RPS6KC1: variants seen among roughly 807,000 people sequenced by gnomAD.
The protein encoded by RPS6KC1 is ribosomal protein S6 kinase C1.
Under a neutral mutation model 103.8 loss-of-function variants are expected in RPS6KC1, and 54 were observed. That is an observed-to-expected ratio of 0.52 (90% confidence interval 0.42 to 0.65). RPS6KC1 has a LOEUF of 0.65. Among genes scored for constraint, RPS6KC1 ranks in the 30% least tolerant of loss-of-function variants. The probability of loss-of-function intolerance (pLI) is 0.00; values close to 1 mark genes in which losing one functional copy is unlikely to be tolerated. For missense variants in RPS6KC1, 1,151 were observed against 1,253.8 expected, an observed-to-expected ratio of 0.92 and a Z score of 1.24; for synonymous variants, 439 against 438.7, an observed-to-expected ratio of 1.00 and a Z score of -0.01.
At chr1:213,539,678 C>T in the RPS6KC1 span, among the ~76,000 whole-genome samples, 5 of 151,460 alleles carry the variant, frequency 3.3e-5, no homozygotes, top group Admixed American at 6.7e-5. Context: ...GAACAGCAGG[C>T]GAGTAGATCT....
the RPS6KC1 span, among the ~76,000 whole-genome samples, chr1:213,844,318 A>G: frequency 6.6e-6 from 1 of 152,216 alleles, no homozygotes; most frequent in African/African-American, 2.4e-5. Context: ...TCATACAATT[A>G]TGGACAATTT....
chr1:213,143,721 A>G (rs775461834), intron 6 of RPS6KC1, among the ~76,000 whole-genome samples: 1 of 151,900 alleles, frequency 6.6e-6, no homozygotes, highest in Non-Finnish European at 1.5e-5. Context: ...ACTACTTAAC[A>G]TAAACTTAAT....
chr1:213,130,920 T>C (rs1164157480), intron 6 of RPS6KC1, among the ~76,000 whole-genome samples: 1 of 152,080 alleles, frequency 6.6e-6, no homozygotes, highest in Non-Finnish European at 1.5e-5. Context: ...CATCTACCTT[T>C]TTTTTTTTAA....
the RPS6KC1 span, among the ~76,000 whole-genome samples, chr1:213,433,725 A>C: frequency 1.3e-5 from 2 of 152,312 alleles, no homozygotes; most frequent in East Asian, 3.9e-4. Context: ...CCAAATGACT[A>C]ATGATGTTGA....
the RPS6KC1 span, among the ~76,000 whole-genome samples, chr1:213,280,715 C>G: frequency 1.3e-5 from 2 of 152,070 alleles, no homozygotes; most frequent in Non-Finnish European, 2.9e-5. Flanking sequence ...TTATCTTTCA[C>G]TTTAAATTAT....
chr1:213,726,052 C>G, the RPS6KC1 span, among the ~76,000 whole-genome samples: 73 of 152,226 alleles, frequency 4.8e-4, 1 homozygote, highest in African/African-American at 1.7e-3. Context: ...CTATCTGTAG[C>G]TTTTGTCAAA....
chr1:213,765,163 G>A, the RPS6KC1 span, among the ~76,000 whole-genome samples: 1 of 152,180 alleles, frequency 6.6e-6, no homozygotes, highest in African/African-American at 2.4e-5. Context: ...GCAGGAGCAG[G>A]CCTGAAAATA....
At chr1:213,578,063 T>G in the RPS6KC1 span, among the ~76,000 whole-genome samples, 1 of 152,238 alleles carries the variant, frequency 6.6e-6, no homozygotes, top group African/African-American at 2.4e-5. Flanking sequence ...AGGGCTTTGC[T>G]GCACTGTGCA....
the RPS6KC1 span, among the ~76,000 whole-genome samples, chr1:213,543,471 C>T: frequency 3.9e-5 from 6 of 152,270 alleles, no homozygotes; most frequent in South Asian, 1.2e-3. Context: ...AGATTTCCAG[C>T]TTAGGTTGGG....
intron 3 of RPS6KC1, among the ~76,000 whole-genome samples, chr1:213,097,723 A>G (rs1052954678): frequency 3.3e-5 from 5 of 152,360 alleles, no homozygotes; most frequent in African/African-American, 9.6e-5. Context: ...AGCCATCTTT[A>G]TCAATGATTT....
the RPS6KC1 span, chr1:213,835,850 C>G: frequency 6.6e-6 from 1 of 152,128 alleles, no homozygotes; most frequent in Non-Finnish European, 1.5e-5. Context: ...CCTTTTAACT[C>G]ACATCACGGC....
chr1:213,263,829 A>C (rs367730577), intron 14 of RPS6KC1, among the ~76,000 whole-genome samples: 1 of 152,194 alleles, frequency 6.6e-6, no homozygotes, highest in African/African-American at 2.4e-5. Context: ...TACTGTGGCA[A>C]GTCAAAAGAA....
chr1:213,518,119 A>AT, the RPS6KC1 span, among the ~76,000 whole-genome samples: 1 of 152,198 alleles, frequency 6.6e-6, no homozygotes, highest in Admixed American at 6.5e-5. Context: ...GATCATAAGT[A>AT]CCTGACACTG....
chr1:213,845,069 C>T, the RPS6KC1 span, among the ~76,000 whole-genome samples: 1 of 151,076 alleles, frequency 6.6e-6, no homozygotes, highest in South Asian at 2.1e-4. Flanking sequence ...TCCGACAAAA[C>T]AAGGAAAATT....
At chr1:213,408,716 T>A in the RPS6KC1 span, among the ~76,000 whole-genome samples, 2 of 152,220 alleles carry the variant, frequency 1.3e-5, no homozygotes, top group African/African-American at 2.4e-5. Flanking sequence ...TGTTTCTCCA[T>A]ACACACAGAT....
chr1:213,090,843 G>A (rs1251669501), intron 3 of RPS6KC1, among the ~76,000 whole-genome samples: 1 of 152,108 alleles, frequency 6.6e-6, no homozygotes, highest in Admixed American at 6.5e-5. Flanking sequence ...AACATAAAAG[G>A]ATGTTTTTAT....
At chr1:213,642,221 C>T in the RPS6KC1 span, among the ~76,000 whole-genome samples, 5 of 152,036 alleles carry the variant, frequency 3.3e-5, no homozygotes, top group Admixed American at 1.3e-4. Flanking sequence ...ATAGTACTTT[C>T]GTTTTTGGCA....
At chr1:213,804,797 G>T in the RPS6KC1 span, among the ~76,000 whole-genome samples, 1 of 152,304 alleles carries the variant, frequency 6.6e-6, no homozygotes, top group Non-Finnish European at 1.5e-5. Flanking sequence ...ATGAATTAGA[G>T]AAACACATGG....
At chr1:213,418,619 T>C in the RPS6KC1 span, among the ~76,000 whole-genome samples, 1 of 152,200 alleles carries the variant, frequency 6.6e-6, no homozygotes, top group Non-Finnish European at 1.5e-5. Context: ...CACACATAGA[T>C]AGCACAGCAC....
Sources: gnomAD v4.1 joint callset for allele counts (sites outside exome capture counted in the v4.1 genomes callset) on GRCh38, gnomAD v4.1.1 for gene constraint, MANE v1.5 for transcripts, NCBI Gene and HGNC (gene_info 2026-07-23, HGNC 2026-07-21) for gene names.